Variants in CLCC1 observed in about 807,000 individuals in gnomAD.
The protein encoded by CLCC1 is chloride channel CLIC-like protein 1.
A neutral mutation model predicts 63.3 loss-of-function variants in CLCC1; 39 were observed. The ratio of observed to expected loss-of-function variants is 0.62; its 90% CI spans 0.48 to 0.81. The LOEUF (loss-of-function observed/expected upper bound fraction) is 0.81, where lower values mean the gene tolerates loss of function less well. Ranked by LOEUF, CLCC1 falls within the 30% of genes least tolerant of loss-of-function variation. The pLI is 0.00. For synonymous variants in CLCC1, 217 were observed against 239.8 expected, an observed-to-expected ratio of 0.90 and a Z score of 0.88; for missense variants, 549 against 669.4, an observed-to-expected ratio of 0.82 and a Z score of 1.98.
At chr1:108,947,072 G>C (rs1271474084) in intron 5 of CLCC1, among the ~76,000 whole-genome samples, 1 of 152,074 alleles carries the variant, frequency 6.6e-6, no homozygotes, top group African/African-American at 2.4e-5. Flanking sequence ...CTGAGTCAGG[G>C]AGAATTGCTG....
In CLCC1 at chr1:108,931,765, A is replaced by C; in HGVS notation, c.*782T>G. On this transcript the variant is annotated 3_prime_UTR_variant, in exon 13 of 13. Coordinates refer to ENST00000369969, the MANE Select transcript of CLCC1 (RefSeq NM_001377458.1). Reference sequence around the variant, plus strand: ...GTTCTTATAAGAAAATTCAGTTAAGACAATATACCAAACCACAACGTAAAA... The same window carrying C: ...GTTCTTATAAGAAAATTCAGTTAAGCCAATATACCAAACCACAACGTAAAA... The C allele has an allele frequency of 3.9e-6, 1 of 254,340 alleles. No individual in the cohort carries two copies. The highest frequency in any genetic ancestry group is 7.3e-6 in the Non-Finnish European group (1 of 136,498). 15.8% of individuals were successfully genotyped at this position (254,340 alleles called of 1,614,324 possible).
intron 2 of CLCC1, among the ~76,000 whole-genome samples, chr1:108,954,817 CGTGTGTGTGTGTGT>C (rs58482013): frequency 4.3e-5 from 6 of 140,518 alleles, no homozygotes; most frequent in East Asian, 2.1e-4. Context: ...ACTGTCTTTG[CGTGTGTGTGTGTGT>C]GTGTGTGTGT....
At chr1:108,938,269 T>C (rs1653313077) in intron 10 of CLCC1, among the ~76,000 whole-genome samples, 1 of 152,154 alleles carries the variant, frequency 6.6e-6, no homozygotes, top group Non-Finnish European at 1.5e-5. Flanking sequence ...ACACTACTAT[T>C]TGAAGACAAA....
At chr1:108,945,609 G>A (rs1654438221) in intron 5 of CLCC1, among the ~76,000 whole-genome samples, 1 of 152,202 alleles carries the variant, frequency 6.6e-6, no homozygotes, top group East Asian at 1.9e-4. Flanking sequence ...TGTGAAGAAT[G>A]AGGATCAACT....
intron 10 of CLCC1, among the ~76,000 whole-genome samples, chr1:108,938,588 A>T (rs1490536902): frequency 6.6e-6 from 1 of 152,208 alleles, no homozygotes; most frequent in African/African-American, 2.4e-5. Context: ...GTAATAGCTA[A>T]AAAATCGATA....
At chr1:108,943,412 TAG>T (rs1557894483) in intron 7 of CLCC1, 61 bp downstream of exon 7, 4 of 1,537,952 alleles carry the variant, frequency 2.6e-6, no homozygotes, top group African/African-American at 1.4e-5. Flanking sequence ...CTCAATGGAT[TAG>T]AGTCTTCTTT....
intron 10 of CLCC1, among the ~76,000 whole-genome samples, chr1:108,938,966 C>T (rs1241608603): frequency 1.3e-5 from 2 of 151,656 alleles, no homozygotes; most frequent in Non-Finnish European, 2.9e-5. Context: ...TTTAGAGGGG[C>T]AGAGGGGAGG....
intron 9 of CLCC1, 90 bp downstream of exon 9, chr1:108,939,952 CTTA>C: frequency 7.8e-7 from 1 of 1,283,236 alleles, no homozygotes; most frequent in East Asian, 2.4e-5. Flanking sequence ...TGGACAAACG[CTTA>C]TTAGCAAAAT....
intron 2 of CLCC1, among the ~76,000 whole-genome samples, chr1:108,958,040 A>G (rs1254979939): frequency 4.0e-5 from 6 of 151,318 alleles, no homozygotes; most frequent in Admixed American, 1.3e-4. Flanking sequence ...AAGAAAGGAG[A>G]GAGCAGACAA....
chr1:108,961,259 C>T (rs1351195340), intron 2 of CLCC1, among the ~76,000 whole-genome samples: 1 of 136,402 alleles, frequency 7.3e-6, no homozygotes, highest in Non-Finnish European at 1.6e-5. Context: ...AACAAAGCTA[C>T]ATCTAAACCT....
At chr1:108,935,022 C>A (rs1191025254) in intron 11 of CLCC1, 80 bp from the exon 12 acceptor site, 1 of 1,397,286 alleles carries the variant, frequency 7.2e-7, no homozygotes, top group Non-Finnish European at 9.7e-7. Flanking sequence ...AAAGTTCCCA[C>A]CCAAATCCGT....
rs76277085 is a variant in CLCC1 at position 108,954,199 on chromosome 1, G to A, written c.-11-3751C>T. 1.4e-3 allele frequency among the ~76,000 whole-genome samples: 205 copies of A among 150,782 alleles called. 8 individuals carry two copies. Among genetic ancestry groups the A allele is most frequent in the African/African-American group, 4.8e-3 (194 of 40,332 alleles). On this transcript the variant is annotated intron_variant, in intron 2 of 12. Transcript: ENST00000369969. ...TGAGAGGTAGAGGTGGGTGGGTGGT[G>A]ATGACACTGCTGAGGAAAAAAGCTT...
intron 10 of CLCC1, 43 bp from the exon 11 acceptor site, chr1:108,937,461 A>G (rs1653188514): frequency 3.4e-6 from 5 of 1,459,634 alleles, no homozygotes; most frequent in Non-Finnish European, 4.6e-6. Context: ...CTCAATGGCT[A>G]ACTTACAAAA....
In CLCC1 at chr1:108,932,790, T is replaced by TAAAC. The variant is rs535517578; in HGVS notation, c.*46-293_*46-290dup. ...CAGGTGTCTGTCAGGATTCATTTGT[T>TAAAC]AAACATGTCCTCTGTGTTAAAAATC... On this transcript the variant is annotated intron_variant, in intron 12 of 12. Coordinates refer to ENST00000369969, the MANE Select transcript of CLCC1 (RefSeq NM_001377458.1). 2.3e-3 allele frequency: 346 copies of TAAAC among 152,360 alleles called. 2 individuals are homozygous for TAAAC. The highest frequency in any genetic ancestry group is 7.9e-3 in the African/African-American group (327 of 41,592). The allele number at this position is 152,360 out of a possible 1,614,324, so 9.4% of individuals were successfully genotyped here. A position where few individuals can be genotyped will look rare whatever the true frequency, so the allele number is the denominator to read the frequency against.
chr1:108,951,232 A>C (rs947256936), intron 2 of CLCC1, among the ~76,000 whole-genome samples: 2 of 152,118 alleles, frequency 1.3e-5, no homozygotes, highest in Non-Finnish European at 2.9e-5. Context: ...TAACCAAAAA[A>C]TTAGCCAGGC....
In CLCC1 at chr1:108,946,309, C is replaced by CA. The variant is rs10655080; in HGVS notation, c.339+1301dup. Among the ~76,000 whole-genome samples the CA allele has an allele frequency of 7.6e-3, 1,015 of 133,844 alleles. 18 individuals are homozygous for CA. Among genetic ancestry groups the CA allele is most frequent in the African/African-American group, 0.022 (790 of 36,378 alleles). 87.8% of individuals were successfully genotyped at this position (133,844 alleles called of 152,430 possible). A position where few individuals can be genotyped will look rare whatever the true frequency, so the allele number is the denominator to read the frequency against. ...TGGGTGACAGAGCAAGACTCTGTCT[C>CA]AAAAAAAAAAAAAAATCAGAAACTA... On this transcript the variant is annotated intron_variant, in intron 5 of 12. Coordinates refer to ENST00000369969, the MANE Select transcript of CLCC1 (RefSeq NM_001377458.1).
intron 2 of CLCC1, among the ~76,000 whole-genome samples, chr1:108,954,832 G>A (rs1655666317): frequency 6.7e-6 from 1 of 150,302 alleles, no homozygotes; most frequent in Non-Finnish European, 1.5e-5. Context: ...GTGTGTGTGT[G>A]TGTGTGTGTG....
rs879570132 is a variant in CLCC1 at position 108,947,799 on chromosome 1, C to T, written c.232-81G>A. On this transcript the variant is annotated intron_variant, in intron 4 of 12. Coordinates refer to ENST00000369969, the MANE Select transcript of CLCC1 (RefSeq NM_001377458.1). Reference sequence around the variant, plus strand: ...TAAGTTTCTAGCCTAGTGCTGTCATCGGAATCAAGGTAAGGAGCTAGTTGT... The same window carrying T: ...TAAGTTTCTAGCCTAGTGCTGTCATTGGAATCAAGGTAAGGAGCTAGTTGT... 14 of 909,314 alleles carry T rather than the reference C, an allele frequency of 1.5e-5. No homozygotes were observed. In the East Asian group the frequency reaches 2.3e-4, roughly 15 times the overall value. The allele number at this position is 909,314 out of a possible 1,614,324, so 56.3% of individuals were successfully genotyped here.
intron 2 of CLCC1, among the ~76,000 whole-genome samples, chr1:108,952,108 T>C (rs1472502469): frequency 6.6e-6 from 1 of 151,392 alleles, no homozygotes; most frequent in Non-Finnish European, 1.5e-5. Flanking sequence ...GTGGATTATA[T>C]AGTATGTGAT....
Sources: gnomAD v4.1 joint callset for allele counts (sites outside exome capture counted in the v4.1 genomes callset) on GRCh38, gnomAD v4.1.1 for gene constraint, MANE v1.5 for transcripts, NCBI Gene and HGNC (gene_info 2026-07-23, HGNC 2026-07-21) for gene names.